Variants in AKAP13 observed in about 807,000 individuals in gnomAD.
The protein encoded by AKAP13 is A-kinase anchor protein 13.
In AKAP13, 80 loss-of-function variants were observed where a neutral mutation model predicts 264.5. The ratio of observed to expected loss-of-function variants is 0.30; its 90% confidence interval spans 0.25 to 0.36. The LOEUF (loss-of-function observed/expected upper bound fraction) is 0.36. Among genes scored for constraint, AKAP13 ranks in the 10% least tolerant of loss-of-function variants. The pLI is 1.00. For synonymous variants in AKAP13, 1,380 were observed against 1,250.2 expected (o/e 1.10, Z -2.19); for missense variants, 3,712 against 3,435.2 (o/e 1.08, Z -2.01).
chr15:85,524,704 A>T (rs1416206610), intron 3 of AKAP13, among the ~76,000 whole-genome samples: 1 of 152,162 alleles, frequency 6.6e-6, no homozygotes, highest in East Asian at 1.9e-4. Context: ...GACATTCTAA[A>T]TTATCTCCTA....
At position 85,543,826 on chromosome 15, in the gene AKAP13, G is replaced by A. The variant is rs1397935483; in HGVS notation, c.533G>A (p.Arg178Lys). 5.0e-6 allele frequency: 8 copies of A among 1,614,000 alleles called. No homozygotes were observed. Among genetic ancestry groups the A allele is most frequent in the Non-Finnish European group, 5.9e-6 (7 of 1,179,992 alleles). ...MHFAVRLGLL[R>K]LTWFLLQKPG... ...TTTGCTGTGCGGCTGGGACTGCTGAGGTTGACGTGGTTCCTGTTGCAGAAG... is the reference window on the plus strand; with the variant it reads ...TTTGCTGTGCGGCTGGGACTGCTGAAGTTGACGTGGTTCCTGTTGCAGAAG... The change falls in exon 5 of 37, where the codon AGG becomes AAG. Residue 178 changes from arginine to lysine, a missense_variant. Coordinates refer to ENST00000394518, the MANE Select transcript of AKAP13 (RefSeq NM_007200.5).
chr15:85,736,013 C>A, intron 32 of AKAP13, 77 bp from the exon 33 acceptor site: 1 of 1,188,408 alleles, frequency 8.4e-7, no homozygotes, highest in Non-Finnish European at 1.3e-6. Flanking sequence ...AAGCTACAGC[C>A]TAACACAGAA....
intron 1 of AKAP13, among the ~76,000 whole-genome samples, chr15:85,405,429 C>G (rs746629984): frequency 6.6e-6 from 1 of 152,010 alleles, no homozygotes; most frequent in Non-Finnish European, 1.5e-5. Flanking sequence ...TACTATGGAC[C>G]GGGTAAGTTA....
chr15:85,720,460 A>G (rs1172789106), intron 23 of AKAP13, among the ~76,000 whole-genome samples: 1 of 152,224 alleles, frequency 6.6e-6, no homozygotes, highest in Non-Finnish European at 1.5e-5. Flanking sequence ...ATACTCCAAA[A>G]AATTCAGCTA....
chr15:85,562,603 A>G (rs1269059729), intron 5 of AKAP13, among the ~76,000 whole-genome samples: 1 of 138,088 alleles, frequency 7.2e-6, no homozygotes, highest in East Asian at 2.1e-4. Flanking sequence ...ATATATATAT[A>G]TATCTCTGTC....
chr15:85,655,370 G>T (rs778024997), intron 10 of AKAP13, 47 bp from the exon 11 acceptor site: 2 of 1,575,898 alleles, frequency 1.3e-6, no homozygotes, highest in South Asian at 1.2e-5. Flanking sequence ...GAGGCTATCT[G>T]ATTGGCCCTG....
chr15:85,382,100 A>G (rs186663440), intron 1 of AKAP13: 12 of 152,366 alleles, frequency 7.9e-5, no homozygotes, highest in Admixed American at 6.5e-4. Flanking sequence ...GGCTTATTAT[A>G]TGAACATGAT....
intron 9 of AKAP13, among the ~76,000 whole-genome samples, chr15:85,645,268 T>C (rs908446668): frequency 1.3e-5 from 2 of 152,372 alleles, no homozygotes; most frequent in East Asian, 1.9e-4. Context: ...GTCCCTGTTC[T>C]AGTTATTGAA....
At chr15:85,609,171 A>G (rs1294839946) in intron 8 of AKAP13, among the ~76,000 whole-genome samples, 1 of 152,194 alleles carries the variant, frequency 6.6e-6, no homozygotes, top group Non-Finnish European at 1.5e-5. Context: ...TATACAATAT[A>G]TTATTGCTAA....
chr15:85,626,940 G>C (rs1037938516), intron 8 of AKAP13, among the ~76,000 whole-genome samples: 16 of 152,068 alleles, frequency 1.1e-4, no homozygotes, highest in African/African-American at 3.1e-4. Context: ...TTAAATGATG[G>C]CTGTCCTGTT....
chr15:85,501,291 C>T, intron 2 of AKAP13, among the ~76,000 whole-genome samples: 1 of 152,176 alleles, frequency 6.6e-6, no homozygotes, highest in South Asian at 2.1e-4. Flanking sequence ...CCTCATTTTC[C>T]AGATCCCTGT....
At chr15:85,537,839 C>A (rs574029210) in intron 4 of AKAP13, among the ~76,000 whole-genome samples, 5 of 152,208 alleles carry the variant, frequency 3.3e-5, no homozygotes, top group Non-Finnish European at 5.9e-5. Flanking sequence ...TTTGGAGACA[C>A]AAAACATTGA....
chr15:85,613,679 TAAAAAAAAAA>T (rs762473477), intron 8 of AKAP13, among the ~76,000 whole-genome samples: 1 of 103,290 alleles, frequency 9.7e-6, no homozygotes, highest in Non-Finnish European at 2.1e-5. Flanking sequence ...AGACTCCGTC[TAAAAAAAAAA>T]AAATATATAT....
intron 8 of AKAP13, among the ~76,000 whole-genome samples, chr15:85,593,339 A>G (rs951028056): frequency 6.6e-6 from 1 of 152,132 alleles, no homozygotes; most frequent in Non-Finnish European, 1.5e-5. Flanking sequence ...ACAAAAAAAC[A>G]GAAAACCAAA....
chr15:85,570,596 T>A (rs914418630), intron 5 of AKAP13, among the ~76,000 whole-genome samples: 11 of 152,152 alleles, frequency 7.2e-5, no homozygotes, highest in African/African-American at 2.7e-4. Flanking sequence ...TCAGCAGGAT[T>A]TCTCGATGCC....
chr15:85,410,745 T>C (rs1169646837), intron 1 of AKAP13, among the ~76,000 whole-genome samples: 1 of 151,476 alleles, frequency 6.6e-6, no homozygotes, highest in Non-Finnish European at 1.5e-5. Flanking sequence ...CTAACTCAAA[T>C]CCCTTTCCTC....
At position 85,581,127 on chromosome 15, in the gene AKAP13, C is replaced by T; in HGVS notation, c.3059C>T (p.Pro1020Leu). The T allele has an allele frequency of 6.2e-7, 1 of 1,613,964 alleles. No homozygotes were observed. The highest frequency in any genetic ancestry group is 8.5e-7 in the Non-Finnish European group (1 of 1,179,888). Residue 1020 changes from proline (P) to leucine (L), a missense_variant, in exon 7 of 37, where the codon CCA becomes CTA. Around this residue, in one of 3 missense-constraint regions of AKAP13, gnomAD observed 2,759 missense variants for 2,411.7 expected, o/e 1.14. Transcript: ENST00000394518. Reference protein sequence around the residue: ...QGGAAQSLVPPGASLATESRQ... With the variant: ...QGGAAQSLVPLGASLATESRQ... ...GGGGCTGCCCAGAGCCTGGTGCCAC[C>T]AGGAGCAAGTCTGGCCACAGAGTCA...
At chr15:85,573,549 A>ATAAATAAG (rs1251911655) in intron 5 of AKAP13, among the ~76,000 whole-genome samples, 1 of 151,296 alleles carries the variant, frequency 6.6e-6, no homozygotes, top group African/African-American at 2.4e-5. Flanking sequence ...TGTCTCAAAA[A>ATAAATAAG]TAAATAAATA....
chr15:85,590,238 ATTTATGGCAGT>A (rs1179499089), intron 8 of AKAP13, among the ~76,000 whole-genome samples: 1 of 152,192 alleles, frequency 6.6e-6, no homozygotes, highest in Non-Finnish European at 1.5e-5. Flanking sequence ...AGTATGGTAA[ATTTATGGCAGT>A]TTTCTAATAA....
Sources: allele counts gnomAD v4.1 joint callset (sites outside exome capture counted in the v4.1 genomes callset), GRCh38; gene constraint gnomAD v4.1.1; regional missense constraint gnomAD v4.1.1; transcripts MANE v1.5; gene names NCBI Gene and HGNC (gene_info 2026-07-23, HGNC 2026-07-21).